Variants in EHHADH observed in about 807,000 individuals in gnomAD.
The protein encoded by EHHADH is peroxisomal bifunctional enzyme.
A neutral mutation model predicts 64.4 loss-of-function variants in EHHADH; 48 were observed. That is an observed-to-expected ratio of 0.75 (90% confidence interval 0.59 to 0.95). EHHADH has a LOEUF of 0.95. Ranked by LOEUF, EHHADH falls within the 40% of genes least tolerant of loss-of-function variation. The probability of loss-of-function intolerance (pLI) is 0.00; values close to 1 mark genes in which losing one functional copy is unlikely to be tolerated. For missense variants in EHHADH, 854 were observed against 876.6 expected, an observed-to-expected ratio of 0.97 and a Z score of 0.33; for synonymous variants, 308 against 326.7, an observed-to-expected ratio of 0.94 and a Z score of 0.62.
Position 185,204,437 on chromosome 3 carries a change from C to G in EHHADH, c.889G>C (p.Val297Leu). ...ASWKTASARP[V>L]SSVGVVGLGT... ...TTACCAACAACACCAACTGAGGAGA[C>G]AGGCCGCGCTGATGCTGTTTTCCAC... is the stretch of plus-strand genomic sequence containing the variant. The change falls in exon 6 of 7, where the codon GTC becomes CTC. Residue 297 changes from valine (V) to leucine (L), a missense_variant. Transcript: ENST00000231887. 6.2e-7 allele frequency: 1 copy of G among 1,608,162 alleles called. No homozygotes were observed. The highest frequency in any genetic ancestry group is 8.5e-7 in the Non-Finnish European group (1 of 1,177,130).
intron 2 of EHHADH, among the ~76,000 whole-genome samples, chr3:185,244,551 G>C (rs1044633136): frequency 1.3e-5 from 2 of 152,180 alleles, no homozygotes; most frequent in African/African-American, 4.8e-5. Flanking sequence ...GTTGAATAGT[G>C]TTTACCCAGA....
chr3:185,196,562 C>A (rs955539238), intron 6 of EHHADH, among the ~76,000 whole-genome samples: 1 of 152,054 alleles, frequency 6.6e-6, no homozygotes, highest in Non-Finnish European at 1.5e-5. Flanking sequence ...ATCGTTTGAA[C>A]CTGGGAGATG....
intron 5 of EHHADH, among the ~76,000 whole-genome samples, chr3:185,211,245 C>T (rs1718532703): frequency 6.6e-6 from 1 of 152,150 alleles, no homozygotes; most frequent in Admixed American, 6.5e-5. Context: ...ATAAGAGAGG[C>T]AAGTGTCAGT....
Position 185,209,888 on chromosome 3 carries a change from A to C in EHHADH, c.569-5131T>G, listed in dbSNP as rs554693482. 2.6e-5 allele frequency among the ~76,000 whole-genome samples: 4 copies of C among 152,364 alleles called. No homozygotes were observed. The South Asian group carries it at 8.3e-4, about 32-fold the overall frequency. On this transcript the variant is annotated intron_variant, in intron 5 of 6. Transcript: ENST00000231887. Reference sequence around the variant, plus strand: ...CACCCTACTACTTTGAAAAAACATGAACCGTATCCAATAGGCCCACCAATT... The same window carrying C: ...CACCCTACTACTTTGAAAAAACATGCACCGTATCCAATAGGCCCACCAATT...
intron 5 of EHHADH, among the ~76,000 whole-genome samples, chr3:185,212,158 A>T (rs149911315): frequency 4.6e-5 from 7 of 152,372 alleles, no homozygotes; most frequent in African/African-American, 1.7e-4. Flanking sequence ...GTTCAGAAAC[A>T]GGCAGGCTGC....
At chr3:185,241,757 C>G (rs1396784761) in intron 2 of EHHADH, among the ~76,000 whole-genome samples, 1 of 152,122 alleles carries the variant, frequency 6.6e-6, no homozygotes, top group South Asian at 2.1e-4. Context: ...TGTCTGTTTA[C>G]TCTGCTGACT....
At chr3:185,202,213 C>G (rs985407968) in intron 6 of EHHADH, among the ~76,000 whole-genome samples, 1 of 152,052 alleles carries the variant, frequency 6.6e-6, no homozygotes. Context: ...TGGCGCAGCA[C>G]CTGTAATCCC....
At chr3:185,209,452 T>G (rs1045483850) in intron 5 of EHHADH, among the ~76,000 whole-genome samples, 4 of 152,216 alleles carry the variant, frequency 2.6e-5, no homozygotes, top group Non-Finnish European at 5.9e-5. Context: ...AGAAGTTGTT[T>G]TCTATAATGT....
In EHHADH at chr3:185,217,639, C is replaced by A. The variant is rs1486412901; in HGVS notation, c.568+497G>T. On this transcript the variant is annotated intron_variant, in intron 5 of 6. Transcript: ENST00000231887. ...TGCCTATTCCTGCTTCACGTTCAAC[C>A]ACGGGTAAAAGCTCTGAGACCTCAC... Among the ~76,000 whole-genome samples, 4 of 151,830 alleles carry A rather than the reference C, an allele frequency of 2.6e-5. No individual in the cohort carries two copies. In the East Asian group the frequency reaches 7.7e-4, roughly 29 times the overall value.
At chr3:185,214,995 T>C (rs1454148190) in intron 5 of EHHADH, among the ~76,000 whole-genome samples, 1 of 152,290 alleles carries the variant, frequency 6.6e-6, no homozygotes, top group East Asian at 1.9e-4. Context: ...TCCAGCTGCC[T>C]TCTAGACAGG....
intron 5 of EHHADH, among the ~76,000 whole-genome samples, chr3:185,210,243 AC>A (rs1437260115): frequency 6.6e-6 from 1 of 152,194 alleles, no homozygotes; most frequent in Non-Finnish European, 1.5e-5. Context: ...ATCATAGCAC[AC>A]ATCAGATTTA....
At position 185,253,966 on chromosome 3, in the gene EHHADH, C is replaced by G; in HGVS notation, c.57G>C (p.Pro19=). 1 of 1,613,998 alleles carries G rather than the reference C, an allele frequency of 6.2e-7. No homozygotes were observed. The highest frequency in any genetic ancestry group is 8.5e-7 in the Non-Finnish European group (1 of 1,179,956). Residue 19 remains proline (P), a synonymous_variant, in exon 1 of 7, where the codon CCG becomes CCC. Transcript: ENST00000231887. ...NALALIRLRN[P]PVNAISTTLL... The stretch of plus-strand genomic sequence containing the variant: ...CCCGTTACCTGATCGCGTTGACCGG[C>G]GGGTTTCGGAGGCGGATTAGCGCCA...
intron 5 of EHHADH, among the ~76,000 whole-genome samples, chr3:185,206,410 C>T (rs1262320317): frequency 6.6e-6 from 1 of 151,980 alleles, no homozygotes; most frequent in Non-Finnish European, 1.5e-5. Flanking sequence ...AAAAAATTTT[C>T]AGGACCTTGG....
intron 2 of EHHADH, chr3:185,245,559 C>A: frequency 1.1e-6 from 1 of 898,492 alleles, no homozygotes; most frequent in South Asian, 1.4e-5. Context: ...AAGTTTCACA[C>A]TGTAGGAAAT....
intron 6 of EHHADH, among the ~76,000 whole-genome samples, chr3:185,199,728 G>A (rs914353467): frequency 2.6e-5 from 4 of 152,180 alleles, no homozygotes; most frequent in African/African-American, 9.7e-5. Flanking sequence ...GTCTATGGCT[G>A]GGTTTTTGTT....
At chr3:185,195,503 T>C (rs1156731650) in intron 6 of EHHADH, among the ~76,000 whole-genome samples, 3 of 152,158 alleles carry the variant, frequency 2.0e-5, no homozygotes, top group Non-Finnish European at 2.9e-5. Context: ...TCCACTGATA[T>C]CTAAATCTCC....
intron 1 of EHHADH, among the ~76,000 whole-genome samples, chr3:185,250,024 G>A (rs1214700267): frequency 6.6e-6 from 1 of 152,210 alleles, no homozygotes; most frequent in Non-Finnish European, 1.5e-5. Flanking sequence ...ATTGAGGATG[G>A]TAGAGCAAGA....
chr3:185,239,874 G>C (rs1719401120), intron 2 of EHHADH, among the ~76,000 whole-genome samples: 1 of 152,094 alleles, frequency 6.6e-6, no homozygotes, highest in Non-Finnish European at 1.5e-5. Context: ...CAGGAGTAAT[G>C]TTTTCACCTG....
chr3:185,232,099 A>G (rs1417457620), intron 3 of EHHADH, among the ~76,000 whole-genome samples: 1 of 152,120 alleles, frequency 6.6e-6, no homozygotes, highest in Non-Finnish European at 1.5e-5. Flanking sequence ...ATTTACAGGT[A>G]TAAGGGTGAG....
Sources: allele counts gnomAD v4.1 joint callset (sites outside exome capture counted in the v4.1 genomes callset), GRCh38; gene constraint gnomAD v4.1.1; transcripts MANE v1.5; gene names NCBI Gene and HGNC (gene_info 2026-07-23, HGNC 2026-07-21).